The following TUNAR variants were observed in gnomAD, a reference collection of about 807,000 sequenced individuals.
The protein encoded by TUNAR is protein TUNAR.
chr14:95,912,876 C>T (rs1460536898), intron 2 of TUNAR, among the ~76,000 whole-genome samples: 1 of 152,108 alleles, frequency 6.6e-6, no homozygotes, highest in Non-Finnish European at 1.5e-5. Context: ...CTGCAGGCTC[C>T]ATCTCCCAGG....
intron 2 of TUNAR, among the ~76,000 whole-genome samples, chr14:95,890,480 C>T (rs1229966473): frequency 6.6e-6 from 1 of 152,214 alleles, no homozygotes; most frequent in East Asian, 1.9e-4. Flanking sequence ...GAGGAGCCCT[C>T]TGCTCTAAAC....
intron 2 of TUNAR, among the ~76,000 whole-genome samples, chr14:95,889,674 A>G (rs149987533): frequency 9.2e-5 from 14 of 152,184 alleles, no homozygotes; most frequent in African/African-American, 3.4e-4. Context: ...GAGGAACTTA[A>G]GCAGAGACTC....
At chr14:95,924,816 A>T (rs1420784155) in exon 3 of TUNAR, 1 of 152,258 alleles carries the variant, frequency 6.6e-6, no homozygotes, top group Non-Finnish European at 1.5e-5. Context: ...CTCTATCACC[A>T]GCCTTGCCCC....
rs564187797 is a variant in TUNAR, at chr14:95,885,273, A to T, written c.12+8096A>T. Among the ~76,000 whole-genome samples, 4 of 152,360 alleles carry T rather than the reference A, an allele frequency of 2.6e-5. No homozygotes were observed. The South Asian group carries it at 8.3e-4, about 32-fold the overall frequency. The stretch of plus-strand genomic sequence containing the variant: ...CTTCTTTGGGATGCTTTCTCTGGAC[A>T]TATTGACCAAGCCTTCACTGAGAGG... On this transcript the variant is annotated intron_variant, in intron 2 of 2. Transcript: ENST00000678517.
At chr14:95,887,793 A>C (rs1889102903) in intron 2 of TUNAR, among the ~76,000 whole-genome samples, 2 of 152,252 alleles carry the variant, frequency 1.3e-5, no homozygotes, top group African/African-American at 2.4e-5. Flanking sequence ...ACCCGACCAG[A>C]TGATGGATGA....
At position 95,912,846 on chromosome 14, in the gene TUNAR, A is replaced by G. The variant is rs148923827; in HGVS notation, c.13-9935A>G. Among the ~76,000 whole-genome samples the G allele has an allele frequency of 4.3e-3, 645 of 151,218 alleles. 1 individual carries two copies. Among genetic ancestry groups the G allele is most frequent in the African/African-American group, 0.015 (615 of 41,082 alleles). On this transcript the variant is annotated intron_variant, in intron 2 of 2. Coordinates refer to ENST00000678517, the Ensembl canonical transcript of TUNAR. Reference sequence around the variant, plus strand: ...CGCTCTGTCGCCCAGGCTGGAGTGCAGTGGTGCGATCTCAGCTCACTGCAG... The same window carrying G: ...CGCTCTGTCGCCCAGGCTGGAGTGCGGTGGTGCGATCTCAGCTCACTGCAG...
exon 3 of TUNAR, chr14:95,925,015 C>T (rs1889763582): frequency 6.6e-6 from 1 of 152,234 alleles, no homozygotes; most frequent in South Asian, 2.1e-4. Flanking sequence ...GCAGCTGGCT[C>T]TGGCATTGAT....
intron 2 of TUNAR, among the ~76,000 whole-genome samples, chr14:95,885,143 A>T (rs776725932): frequency 6.6e-6 from 1 of 152,202 alleles, no homozygotes; most frequent in Non-Finnish European, 1.5e-5. Context: ...AGCAGTGCAA[A>T]TGAGTGAAAA....
At chr14:95,914,485 C>T (rs1889570583) in intron 2 of TUNAR, among the ~76,000 whole-genome samples, 1 of 152,138 alleles carries the variant, frequency 6.6e-6, no homozygotes, top group Non-Finnish European at 1.5e-5. Context: ...GACAAACCTG[C>T]CCAGTTTGGG....
At chr14:95,909,065 C>T (rs1258495662) in intron 2 of TUNAR, among the ~76,000 whole-genome samples, 3 of 152,190 alleles carry the variant, frequency 2.0e-5, no homozygotes, top group Non-Finnish European at 4.4e-5. Flanking sequence ...GAAGTCTGGA[C>T]TAACAGAATT....
chr14:95,919,167 A>G (rs1478212361), intron 2 of TUNAR, among the ~76,000 whole-genome samples: 2 of 152,184 alleles, frequency 1.3e-5, no homozygotes, highest in Non-Finnish European at 2.9e-5. Context: ...GGAGTCACCA[A>G]AATAAAAAGG....
exon 3 of TUNAR, chr14:95,922,979 G>A (rs907460296): frequency 4.0e-5 from 16 of 399,046 alleles, no homozygotes; most frequent in South Asian, 1.3e-4. Flanking sequence ...GGCCCAGAGC[G>A]TCCTCAGAGG....
intron 2 of TUNAR, among the ~76,000 whole-genome samples, chr14:95,920,769 A>G (rs1889685840): frequency 6.6e-6 from 1 of 152,130 alleles, no homozygotes; most frequent in South Asian, 2.1e-4. Context: ...ACATTCCCAC[A>G]TTCCTGGATT....
intron 2 of TUNAR, among the ~76,000 whole-genome samples, chr14:95,913,157 T>TTTTTTA (rs1555376683): frequency 0.02 from 2,997 of 150,334 alleles, 106 homozygotes; most frequent in African/African-American, 0.069. Context: ...TTTTTTTTTT[T>TTTTTTA]AAATTCTACT....
At chr14:95,921,902 T>C (rs1327754450) in intron 2 of TUNAR, among the ~76,000 whole-genome samples, 1 of 152,252 alleles carries the variant, frequency 6.6e-6, no homozygotes, top group African/African-American at 2.4e-5. Context: ...TCCTGTTGCC[T>C]GTAGTTCTAA....
At chr14:95,922,682 C>T (rs868162759) in intron 2 of TUNAR, 99 bp from the exon 2 acceptor site, 10 of 396,728 alleles carry the variant, frequency 2.5e-5, no homozygotes, top group Non-Finnish European at 4.0e-5. Flanking sequence ...CCACCATGTT[C>T]TGACCTGCAA....
At chr14:95,922,497 A>AT (rs1555377139) in intron 2 of TUNAR, among the ~76,000 whole-genome samples, 1 of 152,182 alleles carries the variant, frequency 6.6e-6, no homozygotes, top group Admixed American at 6.5e-5. Context: ...CTTCAAGGGA[A>AT]GGGGGGAAAA....
At chr14:95,911,585 G>A (rs139953296) in intron 2 of TUNAR, among the ~76,000 whole-genome samples, 3 of 152,320 alleles carry the variant, frequency 2.0e-5, no homozygotes, top group African/African-American at 7.2e-5. Flanking sequence ...AGACAACGAT[G>A]CTAAATTTCC....
intron 2 of TUNAR, among the ~76,000 whole-genome samples, chr14:95,878,713 G>A (rs567216196): frequency 5.3e-5 from 8 of 152,218 alleles, no homozygotes; most frequent in Non-Finnish European, 8.8e-5. Flanking sequence ...GGTGAAGCTC[G>A]AGCTGTGCTT....
Sources: allele counts gnomAD v4.1 joint callset (sites outside exome capture counted in the v4.1 genomes callset), GRCh38; gene constraint gnomAD v4.1.1; transcripts MANE v1.5; gene names NCBI Gene and HGNC (gene_info 2026-07-23, HGNC 2026-07-21).